The following LONP1 variants were observed in gnomAD, a reference collection of about 807,000 sequenced individuals.
LONP1 encodes lon peptidase 1, mitochondrial, also known as lon protease homolog, mitochondrial.
A neutral mutation model predicts 98.5 loss-of-function variants in LONP1; 31 were observed. The ratio of observed to expected loss-of-function variants is 0.31; its 90% CI spans 0.24 to 0.42. The LOEUF is 0.42. Ranked by LOEUF, LONP1 falls within the 20% of genes least tolerant of loss-of-function variation. The pLI, the probability that LONP1 is intolerant of heterozygous loss-of-function variation, is 1.00. For missense variants in LONP1, 1,336 were observed against 1,350.6 expected (o/e 0.99, Z 0.17); for synonymous variants, 781 against 594.7 (o/e 1.31, Z -4.56).
intron 1 of LONP1, among the ~76,000 whole-genome samples, chr19:5,718,285 G>A (rs1199740862): frequency 1.3e-5 from 2 of 151,958 alleles, no homozygotes; most frequent in Admixed American, 6.6e-5. Context: ...CGAGACGAGC[G>A]TGGGCAACAT....
At chr19:5,697,681 G>A (rs767559315) in intron 10 of LONP1, among the ~76,000 whole-genome samples, 16 of 152,002 alleles carry the variant, frequency 1.1e-4, no homozygotes, top group Admixed American at 5.2e-4. Flanking sequence ...GGGAGCCCTG[G>A]AGAGCTGGGG....
chr19:5,720,084 A>G lies in LONP1; in HGVS notation c.49T>C (p.Trp17Arg). The G allele has an allele frequency of 6.8e-7, 1 of 1,471,686 alleles. No individual in the cohort carries two copies. Among genetic ancestry groups the G allele is most frequent in the Non-Finnish European group, 8.9e-7 (1 of 1,118,600 alleles). 91.2% of individuals were successfully genotyped at this position (1,471,686 alleles called of 1,614,324 possible). ...YVRLWGAARCWVLRRPMLAAA... is the reference protein window; with the variant it reads ...YVRLWGAARCRVLRRPMLAAA... ...GCCAGCATCGGCCGCCGCAGCACCCAGCACCGCGCCGCTCCCCACAGTCGC... is the reference window on the plus strand; with the variant it reads ...GCCAGCATCGGCCGCCGCAGCACCCGGCACCGCGCCGCTCCCCACAGTCGC... Residue 17 changes from tryptophan to arginine, a missense_variant, in exon 1 of 18, where the codon TGG becomes CGG. Around this residue, in one of 5 missense-constraint regions of LONP1, gnomAD observed 457 missense variants for 403.1 expected, o/e 1.13. Transcript: ENST00000360614.
intron 17 of LONP1, among the ~76,000 whole-genome samples, chr19:5,692,491 T>C (rs113546840): frequency 3.9e-5 from 6 of 152,186 alleles, no homozygotes; most frequent in African/African-American, 1.4e-4. Context: ...CTCAGGGCTC[T>C]GGATGAGCCA....
intron 8 of LONP1, among the ~76,000 whole-genome samples, chr19:5,704,721 C>A (rs2055115828): frequency 6.6e-6 from 1 of 152,224 alleles, no homozygotes; most frequent in Non-Finnish European, 1.5e-5. Context: ...GCCACCCTGA[C>A]TCATGGCATG....
intron 17 of LONP1, 37 bp from the exon 18 acceptor site, chr19:5,692,245 G>A (rs1185321821): frequency 6.3e-7 from 1 of 1,576,002 alleles, no homozygotes; most frequent in Admixed American, 1.8e-5. Flanking sequence ...GCCTGGGCCT[G>A]TGGGAGGGCA....
chr19:5,712,146 G>C (rs2055249371), intron 3 of LONP1, 144 bp from the exon 4 acceptor site: 1 of 639,276 alleles, frequency 1.6e-6, no homozygotes, highest in African/African-American at 1.8e-5. Flanking sequence ...GGGTCCTCAA[G>C]CTGGAGACGT....
intron 14 of LONP1, 93 bp from the exon 15 acceptor site, chr19:5,694,645 G>GGGGTGGTGGGGTGATGGGCGCA: frequency 1.3e-6 from 2 of 1,561,908 alleles, no homozygotes; most frequent in Non-Finnish European, 1.7e-6. Flanking sequence ...TGACGGGCGC[G>GGGGTGGTGGGGTGATGGGCGCA]GGGTGGTGGG....
intron 8 of LONP1, among the ~76,000 whole-genome samples, chr19:5,704,435 G>GA (rs1473572392): frequency 1.3e-5 from 2 of 152,336 alleles, no homozygotes; most frequent in East Asian, 1.9e-4. Flanking sequence ...GGCCCTGGGG[G>GA]AGAGACTCCG....
chr19:5,712,896 G>A (rs2055259633), intron 3 of LONP1, among the ~76,000 whole-genome samples: 1 of 152,106 alleles, frequency 6.6e-6, no homozygotes, highest in South Asian at 2.1e-4. Context: ...ATCCCAAAGT[G>A]CTGGAATTCC....
In LONP1 at chr19:5,719,975, G is replaced by A. The variant is rs1429087601; in HGVS notation, c.158C>T (p.Ala53Val). 7 of 1,582,466 alleles carry A rather than the reference G, an allele frequency of 4.4e-6. No homozygotes were observed. The highest frequency in any genetic ancestry group is 1.1e-5 in the South Asian group (1 of 87,014). ...QRTCDASPPWALWGRGPAIGG... is the reference protein window; with the variant it reads ...QRTCDASPPWVLWGRGPAIGG... ...AATTGCCGGGCCTCGGCCCCACAGT[G>A]CCCAAGGAGGAGAGGCGTCGCAGGT... The change falls in exon 1 of 18, where the codon GCA (alanine) becomes GTA (valine). Residue 53 changes from alanine (A) to valine (V), a missense_variant. Physicochemically the swap from Ala to Val is moderately conservative, Grantham distance 64. This residue lies in a region of LONP1 where 457 missense variants were observed against 403.1 expected (regional missense o/e 1.13). Transcript: ENST00000360614.
chr19:5,713,281 T>C (rs1413800249), intron 2 of LONP1, 28 bp from the exon 3 acceptor site: 1 of 1,613,624 alleles, frequency 6.2e-7, no homozygotes, highest in African/African-American at 1.3e-5. Flanking sequence ...AGAGGAATGT[T>C]GGAACATGGC....
chr19:5,716,293 T>TATATAC (rs2055321732), intron 1 of LONP1, among the ~76,000 whole-genome samples: 1 of 110,688 alleles, frequency 9.0e-6, no homozygotes, highest in African/African-American at 3.3e-5. Flanking sequence ...TATATATATA[T>TATATAC]ATATATAGTA....
chr19:5,711,900 C>T lies in LONP1; in HGVS notation c.741G>A (p.Glu247=), dbSNP rs1267204971. ...RKSKRGKKEA[E]DELSARHPAE... ...CCGGGTGCCTGGCGCTCAGCTCGTC[C>T]TCCGCCTCCTTCTTGCCCCGCTTTG... Residue 247 remains glutamate (E), a synonymous_variant, in exon 4 of 18, where the codon GAG becomes GAA. Transcript: ENST00000360614. 6 of 1,612,986 alleles carry T rather than the reference C, an allele frequency of 3.7e-6. No homozygotes were observed. Among genetic ancestry groups the T allele is most frequent in the Non-Finnish European group, 5.1e-6 (6 of 1,179,774 alleles).
rs550097271 is a variant in LONP1 at position 5,706,120 on chromosome 19, G to A, written c.1147-128C>T. On this transcript the variant is annotated intron_variant, in intron 7 of 17. Coordinates refer to ENST00000360614, the MANE Select transcript of LONP1 (RefSeq NM_004793.4). ...AGAAAAGAAACGAAACCCAGAGCAC[G>A]AAGCCTTTGGTTCCTTCCATCTTCT... is the stretch of plus-strand genomic sequence containing the variant. 2.3e-4 allele frequency: 151 copies of A among 651,010 alleles called. 2 individuals are homozygous for A. The South Asian group carries it at 2.7e-3, about 12-fold the overall frequency. The allele number at this position is 651,010 out of a possible 1,614,324, so 40.3% of individuals were successfully genotyped here. A position where few individuals can be genotyped will look rare whatever the true frequency, so the allele number is the denominator to read the frequency against.
chr19:5,711,020 CTG>C (rs1568325552), intron 4 of LONP1, among the ~76,000 whole-genome samples: 1 of 151,000 alleles, frequency 6.6e-6, no homozygotes, highest in East Asian at 1.9e-4. Flanking sequence ...GAGCCAGACT[CTG>C]TCTCAAAAAA....
chr19:5,701,362 T>C (rs995810068), intron 8 of LONP1, among the ~76,000 whole-genome samples: 6 of 152,242 alleles, frequency 3.9e-5, no homozygotes, highest in African/African-American at 1.2e-4. Context: ...CCTCTTTCCA[T>C]GGTCTCCCTC....
intron 10 of LONP1, among the ~76,000 whole-genome samples, chr19:5,698,501 G>T (rs890544290): frequency 6.6e-6 from 1 of 152,158 alleles, no homozygotes; most frequent in African/African-American, 2.4e-5. Flanking sequence ...TGAGGGCCGT[G>T]GCCCCTGCTT....
At chr19:5,692,360 TCTCCC>T in intron 17 of LONP1, 152 bp from the exon 18 acceptor site, 1 of 660,362 alleles carries the variant, frequency 1.5e-6, no homozygotes, top group Non-Finnish European at 2.4e-6. Flanking sequence ...AGGGTCCCCG[TCTCCC>T]ACGGGGAAAC....
chr19:5,703,589 C>A (rs1250534651), intron 8 of LONP1, among the ~76,000 whole-genome samples: 1 of 151,762 alleles, frequency 6.6e-6, no homozygotes, highest in Admixed American at 6.6e-5. Flanking sequence ...GGCGGCCCCA[C>A]GAGCAGACAC....
Sources: allele counts gnomAD v4.1 joint callset (sites outside exome capture counted in the v4.1 genomes callset), GRCh38; gene constraint gnomAD v4.1.1; regional missense constraint gnomAD v4.1.1; transcripts MANE v1.5; gene names NCBI Gene and HGNC (gene_info 2026-07-23, HGNC 2026-07-21).